The following MEIS2 variants were observed in gnomAD, a reference collection of about 807,000 sequenced individuals.
The protein encoded by MEIS2 is homeobox protein Meis2.
MEIS2 carries 9 observed loss-of-function variants against 58.6 expected under a neutral mutation model. The ratio of observed to expected loss-of-function variants is 0.15; its 90% CI spans 0.09 to 0.27. The LOEUF (loss-of-function observed/expected upper bound fraction) is 0.27. Among genes scored for constraint, MEIS2 ranks in the 10% least tolerant of loss-of-function variants. MEIS2 has a pLI of 1.00. For missense variants in MEIS2, 427 were observed against 635.0 expected (o/e 0.67, Z 3.52); for synonymous variants, 221 against 228.4 (o/e 0.97, Z 0.29).
At chr15:36,999,206 A>T (rs889842838) in intron 8 of MEIS2, among the ~76,000 whole-genome samples, 1 of 152,192 alleles carries the variant, frequency 6.6e-6, no homozygotes, top group African/African-American at 2.4e-5. Context: ...GCTCACAAGG[A>T]CATTGTTGGC....
In MEIS2 at chr15:36,989,089, AAAT is replaced by A. The variant is rs1046287353; in HGVS notation, c.901-38692_901-38690del. The stretch of plus-strand genomic sequence containing the variant: ...GTCAGACTTCAAAACACCACCATTA[AAAT>A]AATATTTCTTCTTATCTTCAGTGCT... On this transcript the variant is annotated intron_variant, in intron 8 of 11. Transcript: ENST00000561208. Among the ~76,000 whole-genome samples the A allele has an allele frequency of 2.2e-4, 34 of 152,332 alleles. 1 individual carries two copies. Among genetic ancestry groups the A allele is most frequent in the Admixed American group, 1.9e-3 (29 of 15,296 alleles).
intron 8 of MEIS2, among the ~76,000 whole-genome samples, chr15:37,003,542 A>G (rs2060812342): frequency 1.3e-5 from 2 of 152,192 alleles, no homozygotes; most frequent in Non-Finnish European, 2.9e-5. Flanking sequence ...TGCTGTAGCC[A>G]TTAGTGAGAA....
intron 7 of MEIS2, among the ~76,000 whole-genome samples, chr15:37,063,513 C>A (rs771582589): frequency 1.2e-3 from 182 of 152,192 alleles, no homozygotes; most frequent in Non-Finnish European, 2.0e-3. Flanking sequence ...AACTGAAAAA[C>A]CCACACAAGC....
intron 7 of MEIS2, among the ~76,000 whole-genome samples, chr15:37,069,843 G>A (rs572589535): frequency 4.6e-4 from 70 of 152,198 alleles, no homozygotes; most frequent in South Asian, 1.7e-3. Flanking sequence ...TTTTGCAGCT[G>A]TTTCCCAGAA....
upstream of MEIS2, chr15:37,100,630 G>C (rs1311351407): frequency 6.6e-6 from 1 of 150,926 alleles, no homozygotes; most frequent in Admixed American, 6.6e-5. Flanking sequence ...GCGGACCCGA[G>C]CAAATCAGCA....
intron 7 of MEIS2, among the ~76,000 whole-genome samples, chr15:37,070,492 A>G (rs1373197437): frequency 1.3e-5 from 2 of 152,164 alleles, no homozygotes; most frequent in African/African-American, 4.8e-5. Flanking sequence ...GTCTCTCCAC[A>G]CTTTGCAGAC....
chr15:36,943,766 C>A (rs140504456), intron 9 of MEIS2, among the ~76,000 whole-genome samples: 101 of 152,078 alleles, frequency 6.6e-4, no homozygotes, highest in African/African-American at 2.2e-3. Flanking sequence ...CTTTGCAGAG[C>A]AAAAGGGAAA....
At chr15:37,079,405 C>T (rs183066860) in intron 7 of MEIS2, among the ~76,000 whole-genome samples, 138 of 152,102 alleles carry the variant, frequency 9.1e-4, no homozygotes, top group Non-Finnish European at 1.5e-3. Flanking sequence ...AAGAGATTGC[C>T]GCCACTATGA....
At chr15:36,976,116 G>A (rs778276684) in intron 8 of MEIS2, among the ~76,000 whole-genome samples, 44 of 151,770 alleles carry the variant, frequency 2.9e-4, no homozygotes, top group Non-Finnish European at 5.3e-4. Context: ...ACAGAGTCTC[G>A]CTCTGTCACC....
At chr15:36,987,496 T>A (rs1440622493) in intron 8 of MEIS2, among the ~76,000 whole-genome samples, 2 of 151,300 alleles carry the variant, frequency 1.3e-5, no homozygotes, top group Non-Finnish European at 2.9e-5. Context: ...CTTCTTGGGG[T>A]GAAATGACAC....
Position 37,098,075 on chromosome 15 carries a change from T to C in MEIS2, c.137A>G (p.His46Arg), listed in dbSNP as rs1472270409. ...VHHLNHGPPL[H>R]ATQHYGAHAP... ...GTGCGCGCCGTAGTGCTGTGTGGCG[T>C]GGAGCGGCGGCCCGTGGTTCAGGTG... The change falls in exon 2 of 12, where the codon CAC becomes CGC. Residue 46 changes from histidine (H) to arginine (R), a missense_variant. This residue lies in a region of MEIS2 where 103 missense variants were observed against 111.8 expected (regional missense o/e 0.92). Coordinates refer to ENST00000561208, the MANE Select transcript of MEIS2 (RefSeq NM_170675.5). The C allele has an allele frequency of 1.2e-6, 2 of 1,613,694 alleles. No individual in the cohort carries two copies. The highest frequency in any genetic ancestry group is 2.2e-5 in the South Asian group (2 of 91,004).
chr15:36,995,611 G>GTT (rs11384225), intron 8 of MEIS2, among the ~76,000 whole-genome samples: 55 of 135,024 alleles, frequency 4.1e-4, no homozygotes, highest in East Asian at 1.1e-3. Context: ...TTTCATTAGG[G>GTT]TTTTTTTTTT....
At chr15:37,080,618 A>C (rs1256463585) in intron 7 of MEIS2, among the ~76,000 whole-genome samples, 2 of 152,118 alleles carry the variant, frequency 1.3e-5, no homozygotes, top group Admixed American at 1.3e-4. Context: ...ACCCCATTTT[A>C]CTGATGGGAA....
chr15:37,038,542 A>G (rs2141744910), intron 7 of MEIS2, among the ~76,000 whole-genome samples: 1 of 152,270 alleles, frequency 6.6e-6, no homozygotes, highest in South Asian at 2.1e-4. Context: ...CTCACTATTT[A>G]CAGACTGACA....
chr15:37,090,016 CAT>C (rs1893329395), intron 6 of MEIS2, among the ~76,000 whole-genome samples: 2 of 152,022 alleles, frequency 1.3e-5, no homozygotes, highest in Non-Finnish European at 2.9e-5. Flanking sequence ...GTTTTTTAGA[CAT>C]ATTTATTTTA....
chr15:36,986,980 T>A (rs762570209), intron 8 of MEIS2, among the ~76,000 whole-genome samples: 6 of 152,172 alleles, frequency 3.9e-5, no homozygotes, highest in Non-Finnish European at 8.8e-5. Context: ...GTGGAAGGTA[T>A]GCTTGGAGAT....
intron 9 of MEIS2, among the ~76,000 whole-genome samples, chr15:36,943,819 C>T (rs2058461099): frequency 6.6e-6 from 1 of 152,058 alleles, no homozygotes; most frequent in Non-Finnish European, 1.5e-5. Context: ...AGGATTGCAG[C>T]AAACCTCCCC....
intron 8 of MEIS2, among the ~76,000 whole-genome samples, chr15:36,961,341 C>G (rs74325045): frequency 0.014 from 2,164 of 151,964 alleles, 24 homozygotes; most frequent in Middle Eastern, 0.037. Context: ...CATAACCAAC[C>G]CCCCCAAAAT....
At chr15:37,054,555 T>C (rs928798511) in intron 7 of MEIS2, among the ~76,000 whole-genome samples, 1 of 152,218 alleles carries the variant, frequency 6.6e-6, no homozygotes, top group Admixed American at 6.5e-5. Flanking sequence ...TAGCTGGGAC[T>C]ACAGGCATGT....
Sources: allele counts gnomAD v4.1 joint callset (sites outside exome capture counted in the v4.1 genomes callset), GRCh38; gene constraint gnomAD v4.1.1; regional missense constraint gnomAD v4.1.1; transcripts MANE v1.5; gene names NCBI Gene and HGNC (gene_info 2026-07-23, HGNC 2026-07-21).